C12orf42: variants seen among roughly 807,000 people sequenced by gnomAD.
The protein encoded by C12orf42 is uncharacterized protein C12orf42.
C12orf42 carries 25 observed loss-of-function variants against 21.6 expected under a neutral mutation model. That is an observed-to-expected ratio of 1.16 (90% CI 0.84 to 1.62). The LOEUF (loss-of-function observed/expected upper bound fraction) is 1.62. Among genes scored for constraint, C12orf42 ranks in the 40% most tolerant of loss-of-function variants. The pLI is 0.00. For missense variants in C12orf42, 483 were observed against 459.3 expected, an observed-to-expected ratio of 1.05 and a Z score of -0.47; for synonymous variants, 174 against 175.0, an observed-to-expected ratio of 0.99 and a Z score of 0.05.
At chr12:103,351,729 G>A (rs560651932) in intron 4 of C12orf42, among the ~76,000 whole-genome samples, 2 of 152,128 alleles carry the variant, frequency 1.3e-5, no homozygotes, top group South Asian at 2.1e-4. Context: ...GAGCCCATTC[G>A]TGCTTCCTTC....
At chr12:103,421,295 G>C (rs921442267) in intron 2 of C12orf42, among the ~76,000 whole-genome samples, 4 of 152,148 alleles carry the variant, frequency 2.6e-5, no homozygotes, top group Non-Finnish European at 4.4e-5. Context: ...TTTAGGGCTG[G>C]GTGCAGTGGC....
chr12:103,066,401 T>C, the C12orf42 span, among the ~76,000 whole-genome samples: 1 of 152,120 alleles, frequency 6.6e-6, no homozygotes, highest in African/African-American at 2.4e-5. Context: ...CCCTGCCTTA[T>C]CTCCCCCATC....
intron 2 of C12orf42, among the ~76,000 whole-genome samples, chr12:103,460,817 C>T (rs573107420): frequency 1.3e-5 from 2 of 152,204 alleles, no homozygotes; most frequent in South Asian, 4.2e-4. Flanking sequence ...TTTGCAAAAT[C>T]TTGAGAGGGT....
At chr12:103,107,860 A>G in the C12orf42 span, among the ~76,000 whole-genome samples, 1 of 151,766 alleles carries the variant, frequency 6.6e-6, no homozygotes, top group East Asian at 1.9e-4. Context: ...AAGAGAGAAG[A>G]AAGAAATAGT....
downstream of C12orf42, among the ~76,000 whole-genome samples, chr12:103,266,510 A>C (rs1191181206): frequency 2.0e-5 from 3 of 152,114 alleles, no homozygotes; most frequent in Non-Finnish European, 4.4e-5. Flanking sequence ...TGGTTTCTAA[A>C]TTCTGAAGAA....
At chr12:103,538,778 GTATTA>G in the C12orf42 span, among the ~76,000 whole-genome samples, 1 of 152,128 alleles carries the variant, frequency 6.6e-6, no homozygotes, top group Non-Finnish European at 1.5e-5. Flanking sequence ...CCAAGTCCCT[GTATTA>G]TATCTCTCCC....
At chr12:103,322,958 G>A (rs1373853808) in intron 4 of C12orf42, among the ~76,000 whole-genome samples, 1 of 152,092 alleles carries the variant, frequency 6.6e-6, no homozygotes, top group African/African-American at 2.4e-5. Context: ...ATTTCCTACT[G>A]GTTATAAAAT....
chr12:103,368,023 G>A, intron 4 of C12orf42: 3 of 1,249,648 alleles, frequency 2.4e-6, no homozygotes, highest in Non-Finnish European at 3.1e-6. Flanking sequence ...TGCTTTATCA[G>A]TTGTCCTAAA....
At chr12:103,089,344 T>C in the C12orf42 span, among the ~76,000 whole-genome samples, 2 of 152,092 alleles carry the variant, frequency 1.3e-5, no homozygotes, top group African/African-American at 4.8e-5. Context: ...CTGCTAAATT[T>C]TGAGGCAATT....
intron 3 of C12orf42, among the ~76,000 whole-genome samples, chr12:103,382,502 A>G (rs542570957): frequency 1.3e-5 from 2 of 152,338 alleles, no homozygotes; most frequent in Admixed American, 6.5e-5. Context: ...GCCTTAGCCC[A>G]TATGCTTTTG....
intron 4 of C12orf42, among the ~76,000 whole-genome samples, chr12:103,282,552 G>A (rs1450249652): frequency 6.6e-6 from 1 of 152,082 alleles, no homozygotes; most frequent in Admixed American, 6.6e-5. Flanking sequence ...GTGTGTAGAA[G>A]GCTATACCAT....
At chr12:103,164,491 C>T in the C12orf42 span, 1 of 451,826 alleles carries the variant, frequency 2.2e-6, no homozygotes, top group South Asian at 1.6e-5. Context: ...TAAGTGAGTA[C>T]ATTTCTTTAT....
At chr12:103,317,039 C>G (rs1045814425) in intron 4 of C12orf42, among the ~76,000 whole-genome samples, 2 of 152,178 alleles carry the variant, frequency 1.3e-5, no homozygotes, top group Non-Finnish European at 2.9e-5. Context: ...TTGCCCCCAT[C>G]AAAGGTGGCA....
intron 3 of C12orf42, among the ~76,000 whole-genome samples, chr12:103,395,614 C>A (rs953036175): frequency 6.6e-6 from 1 of 152,082 alleles, no homozygotes; most frequent in Non-Finnish European, 1.5e-5. Context: ...GGATTACAGG[C>A]GTGAGCCACC....
intron 1 of C12orf42, 91 bp from the exon 2 acceptor site, chr12:103,478,538 C>A (rs1954237207): frequency 1.9e-6 from 1 of 539,060 alleles, no homozygotes; most frequent in Non-Finnish European, 3.1e-6. Flanking sequence ...GAGCCAGAAT[C>A]ATCCTATCCA....
the C12orf42 span, among the ~76,000 whole-genome samples, chr12:103,153,837 C>T: frequency 6.6e-6 from 1 of 151,918 alleles, no homozygotes; most frequent in African/African-American, 2.4e-5. Flanking sequence ...TACATATACT[C>T]ACCAGAAAAC....
the C12orf42 span, among the ~76,000 whole-genome samples, chr12:103,514,201 G>C: frequency 1.3e-5 from 2 of 152,278 alleles, no homozygotes; most frequent in Admixed American, 6.5e-5. Context: ...ACAAGAACAG[G>C]ATGGGGGAAA....
At chr12:103,174,777 T>C in the C12orf42 span, among the ~76,000 whole-genome samples, 1 of 152,200 alleles carries the variant, frequency 6.6e-6, no homozygotes, top group Non-Finnish European at 1.5e-5. Flanking sequence ...CAGTTTTAAA[T>C]TGTATTAATA....
At chr12:103,290,242 C>T (rs1158878524) in intron 4 of C12orf42, among the ~76,000 whole-genome samples, 1 of 152,134 alleles carries the variant, frequency 6.6e-6, no homozygotes, top group African/African-American at 2.4e-5. Context: ...AGAAATGCAC[C>T]ATTCTAAGAG....
Sources: gnomAD v4.1 joint callset for allele counts (sites outside exome capture counted in the v4.1 genomes callset) on GRCh38, gnomAD v4.1.1 for gene constraint, MANE v1.5 for transcripts, NCBI Gene and HGNC (gene_info 2026-07-23, HGNC 2026-07-21) for gene names.